RASGRP4: variants seen among roughly 807,000 people sequenced by gnomAD.
The protein encoded by RASGRP4 is RAS guanyl-releasing protein 4.
In RASGRP4, 52 loss-of-function variants were observed where a neutral mutation model predicts 84.4. That is an observed-to-expected ratio of 0.62 (90% CI 0.49 to 0.78). The LOEUF (loss-of-function observed/expected upper bound fraction) is 0.78, where lower values mean the gene tolerates loss of function less well. RASGRP4 is among the 30% of genes least tolerant of loss of function. RASGRP4 has a pLI of 0.00. For synonymous variants in RASGRP4, 356 were observed against 359.1 expected, an observed-to-expected ratio of 0.99 and a Z score of 0.10; for missense variants, 760 against 886.9, an observed-to-expected ratio of 0.86 and a Z score of 1.82.
At chr19:38,411,431 G>T in intron 13 of RASGRP4, 50 bp from the exon 14 acceptor site, 1 of 1,477,460 alleles carries the variant, frequency 6.8e-7, no homozygotes, top group Non-Finnish European at 9.1e-7. Flanking sequence ...AGGGAGGGCT[G>T]TGGATTGGCA....
intron 4 of RASGRP4, 59 bp downstream of exon 4, chr19:38,420,849 A>G: frequency 6.5e-7 from 1 of 1,529,952 alleles, no homozygotes; most frequent in Non-Finnish European, 9.1e-7. Context: ...ATGTTTTTTG[A>G]GGGGGAAGCA....
rs754798166 is a variant in RASGRP4 at position 38,410,146 on chromosome 19, A to G, written c.1966-50T>C. On this transcript the variant is annotated intron_variant, in intron 16 of 16. Transcript: ENST00000615439. ...AGATGACAGATGATGTGGGGAGCAT[A>G]TGATGTCTAGGAGACGCTTCACTGC... 10 of 1,492,550 alleles carry G rather than the reference A, an allele frequency of 6.7e-6. No individual in the cohort carries two copies. The South Asian group carries it at 9.2e-5, about 14-fold the overall frequency. 92.5% of individuals were successfully genotyped at this position (1,492,550 alleles called of 1,614,324 possible).
Position 38,412,982 on chromosome 19 carries a change from G to A in RASGRP4, c.1484C>T (p.Ser495Leu), listed in dbSNP as rs376620042. 6.1e-5 allele frequency: 98 copies of A among 1,613,914 alleles called. No individual in the cohort carries two copies. Among genetic ancestry groups the A allele is most frequent in the Non-Finnish European group, 7.5e-5 (88 of 1,179,896 alleles). ...TISQEDFERL[S>L]GNFPFACHGL... ...ATGGCAGGCGAAGGGAAAATTGCCC[G>A]AGAGTCGCTCAAAGTCCTCCTGAGA... The change falls in exon 12 of 17, where the codon TCG (serine) becomes TTG (leucine). Residue 495 changes from serine (S) to leucine (L), a missense_variant. Ser to Leu is a moderately radical substitution (Grantham distance 145). Coordinates refer to ENST00000615439, the MANE Select transcript of RASGRP4 (RefSeq NM_170604.3). This position sits in a 1 kb window ranked among gnomAD's most constrained non-coding sequence, Gnocchi z 4.6.
rs769857767 is a variant in RASGRP4 at position 38,417,187 on chromosome 19, A to G, written c.838-19T>C. The G allele has an allele frequency of 5.3e-6, 8 of 1,504,730 alleles. No homozygotes were observed. The highest frequency in any genetic ancestry group is 7.2e-6 in the Non-Finnish European group (8 of 1,103,992). The allele number at this position is 1,504,730 out of a possible 1,614,324, so 93.2% of individuals were successfully genotyped here. ...GGAGCCTCTAGGAAGAGAAGCATGC[A>G]CACAGGGCCGTCACGGGAGGGAGGG... is the stretch of plus-strand genomic sequence containing the variant. On this transcript the variant is annotated intron_variant, in intron 7 of 16. Coordinates refer to ENST00000615439, the MANE Select transcript of RASGRP4 (RefSeq NM_170604.3). This position sits in a 1 kb window ranked among gnomAD's most constrained non-coding sequence, Gnocchi z 5.1.
At position 38,410,068 on chromosome 19, in the gene RASGRP4, G is replaced by C. The variant is rs1971159182; in HGVS notation, c.1994C>G (p.Ser665Ter). Residue 665 changes from serine to a stop codon, truncating the protein, a stop_gained, in exon 17 of 17, where the codon TCA becomes TGA. Transcript: ENST00000615439. LOFTEE classifies it high-confidence loss of function. ...TVPCPVMDPP[S>*]TASSKLDS ...GGAATCCAGCTTGGAGGATGCAGTTGATGGTGGGTCCATCACCGGGCAGGG... is the reference window on the plus strand; with the variant it reads ...GGAATCCAGCTTGGAGGATGCAGTTCATGGTGGGTCCATCACCGGGCAGGG... The C allele has an allele frequency of 6.2e-7, 1 of 1,612,494 alleles. No homozygotes were observed. The highest frequency in any genetic ancestry group is 2.2e-5 in the East Asian group (1 of 44,656).
At chr19:38,416,214 A>G (rs1029149876) in intron 8 of RASGRP4, among the ~76,000 whole-genome samples, 1 of 151,720 alleles carries the variant, frequency 6.6e-6, no homozygotes, top group Admixed American at 6.6e-5. Context: ...CTGTAATCCC[A>G]GCACTTTTGG....
At position 38,418,382 on chromosome 19, in the gene RASGRP4, G is replaced by C. The variant is rs754532094; in HGVS notation, c.837+9C>G. 6.9e-6 allele frequency: 11 copies of C among 1,601,138 alleles called. No homozygotes were observed. The highest frequency in any genetic ancestry group is 9.4e-6 in the Non-Finnish European group (11 of 1,174,654). ...AGTGGAGTTCGCAGCCCCAAGGGGC[G>C]GGCCTCACCTGTGCCACGTGAATGA... is the stretch of plus-strand genomic sequence containing the variant. On this transcript the variant is annotated intron_variant, in intron 7 of 16. Transcript: ENST00000615439. This position sits in a 1 kb window ranked among gnomAD's most constrained non-coding sequence, Gnocchi z 4.6.
At chr19:38,422,762 G>GTA (rs1971816806) in intron 1 of RASGRP4, among the ~76,000 whole-genome samples, 1 of 151,894 alleles carries the variant, frequency 6.6e-6, no homozygotes, top group African/African-American at 2.4e-5. Context: ...GGTGAGCTGC[G>GTA]TAACTATTTC....
intron 1 of RASGRP4, among the ~76,000 whole-genome samples, chr19:38,425,230 C>T (rs2145252914): frequency 6.6e-6 from 1 of 151,916 alleles, no homozygotes; most frequent in African/African-American, 2.4e-5. Flanking sequence ...TAAAGGTAAG[C>T]CCAGCAACCT....
chr19:38,414,835 CA>C lies in RASGRP4; in HGVS notation c.1230+12del, dbSNP rs758272353. 49 of 1,574,094 alleles carry C rather than the reference CA, an allele frequency of 3.1e-5. No individual in the cohort carries two copies. Among genetic ancestry groups the C allele is most frequent in the Non-Finnish European group, 3.8e-5 (44 of 1,159,206 alleles). On this transcript the variant is annotated intron_variant, in intron 9 of 16. Coordinates refer to ENST00000615439, the MANE Select transcript of RASGRP4 (RefSeq NM_170604.3). ...CTTGGAAGCCCAGCCTGGGCGGGGCCAGGGGGGCTCACCGTGAGCAGGTGCA... is the reference window on the plus strand; with the variant it reads ...CTTGGAAGCCCAGCCTGGGCGGGGCCGGGGGGCTCACCGTGAGCAGGTGCA...
Position 38,409,965 on chromosome 19 carries a change from C to G in RASGRP4, c.*75G>C. On this transcript the variant is annotated 3_prime_UTR_variant, in exon 17 of 17. Coordinates refer to ENST00000615439, the MANE Select transcript of RASGRP4 (RefSeq NM_170604.3). Reference sequence around the variant, plus strand: ...CCTCTGGAGGCCTACCTCTGGGAGCCCTGCCAGAGTCTGACGGCAGGACTC... The same window carrying G: ...CCTCTGGAGGCCTACCTCTGGGAGCGCTGCCAGAGTCTGACGGCAGGACTC... The G allele has an allele frequency of 8.0e-7, 1 of 1,245,578 alleles. No homozygotes were observed. The highest frequency in any genetic ancestry group is 2.6e-5 in the East Asian group (1 of 38,186). 77.2% of individuals were successfully genotyped at this position (1,245,578 alleles called of 1,614,324 possible).
At chr19:38,415,625 G>A (rs1340849857) in intron 8 of RASGRP4, among the ~76,000 whole-genome samples, 5 of 151,582 alleles carry the variant, frequency 3.3e-5, no homozygotes, top group East Asian at 2.0e-4. Flanking sequence ...TGCCTGCCTC[G>A]GCCTCCCAAA....
chr19:38,425,927 C>T (rs1971974810), intron 1 of RASGRP4, 142 bp downstream of exon 1: 1 of 569,568 alleles, frequency 1.8e-6, no homozygotes, highest in Non-Finnish European at 2.7e-6. Flanking sequence ...CTCCAGACTC[C>T]CTGAAGCATC....
At chr19:38,416,940 C>T (rs1971524947) in intron 8 of RASGRP4, 112 bp downstream of exon 8, 1 of 688,450 alleles carries the variant, frequency 1.5e-6, no homozygotes, top group African/African-American at 1.8e-5. Context: ...GGAGCAAGGA[C>T]TTCATGTGGT....
chr19:38,426,033 G>T, intron 1 of RASGRP4, 36 bp downstream of exon 1: 1 of 1,358,590 alleles, frequency 7.4e-7, no homozygotes, highest in Non-Finnish European at 9.6e-7. Context: ...GGAGGCCTCA[G>T]GGTGCTGCCG....
At chr19:38,425,194 A>C (rs1971937200) in intron 1 of RASGRP4, among the ~76,000 whole-genome samples, 1 of 149,994 alleles carries the variant, frequency 6.7e-6, no homozygotes, top group Non-Finnish European at 1.5e-5. Flanking sequence ...AAAAAAAAAA[A>C]ACAAAAAAAA....
At position 38,413,357 on chromosome 19, in the gene RASGRP4, TA is replaced by T. The variant is rs1971358099; in HGVS notation, c.1311+36del. On this transcript the variant is annotated intron_variant, in intron 10 of 16. Transcript: ENST00000615439. The surrounding 1 kb of genome is among the most constrained non-coding windows in gnomAD (Gnocchi z 4.7). ...GCATAGGCTTAGGGGGGGTTCGAGG[TA>T]ATTGGGGGAGTCCGAGGCCAGGGGT... 1.3e-6 allele frequency: 2 copies of T among 1,595,294 alleles called. No homozygotes were observed. Among genetic ancestry groups the T allele is most frequent in the East Asian group, 4.5e-5 (2 of 44,624 alleles).
chr19:38,411,707 A>C, intron 13 of RASGRP4: 1 of 224,538 alleles, frequency 4.5e-6, no homozygotes. Context: ...CAAAATAAAT[A>C]AAGGAAACTT....
intron 8 of RASGRP4, 100 bp from the exon 9 acceptor site, chr19:38,415,223 T>C: frequency 8.8e-7 from 1 of 1,135,808 alleles, no homozygotes; most frequent in Non-Finnish European, 1.2e-6. Flanking sequence ...CCAGTGGCAT[T>C]GTGGAAACCT....
Sources: gnomAD v4.1 joint callset for allele counts (sites outside exome capture counted in the v4.1 genomes callset) on GRCh38, gnomAD v4.1.1 for gene constraint, Gnocchi (gnomAD v3.1) non-coding constraint, MANE v1.5 for transcripts, NCBI Gene and HGNC (gene_info 2026-07-23, HGNC 2026-07-21) for gene names.